Variants in ZNF677 observed in about 807,000 individuals in gnomAD.
The protein encoded by ZNF677 is zinc finger protein 677.
ZNF677 carries 5 observed loss-of-function variants against 8.1 expected under a neutral mutation model. That is an observed-to-expected ratio of 0.62 (90% CI 0.32 to 1.29). The LOEUF is 1.29. Ranked by LOEUF, ZNF677 falls within the 50% of genes most tolerant of loss-of-function variation. ZNF677 has a pLI of 0.05. For missense variants in ZNF677, 685 were observed against 685.9 expected (o/e 1.00, Z 0.01); for synonymous variants, 221 against 225.6 (o/e 0.98, Z 0.18).
chr19:53,240,633 A>G (rs566122856), intron 4 of ZNF677: 1 of 152,382 alleles, frequency 6.6e-6, no homozygotes, highest in South Asian at 2.1e-4. Flanking sequence ...GACATTCTGA[A>G]AAAGGCAAAT....
Position 53,237,200 on chromosome 19 carries a change from A to T in ZNF677, c.1527T>A (p.His509Gln), listed in dbSNP as rs181279893. 5.6e-6 allele frequency: 9 copies of T among 1,612,788 alleles called. No homozygotes were observed. The East Asian group carries it at 2.0e-4, about 36-fold the overall frequency. Residue 509 changes from histidine to glutamine, a missense_variant, in exon 5 of 5, where the codon CAT (histidine) becomes CAA (glutamine). His to Gln is a conservative substitution (Grantham distance 24, BLOSUM62 0). Coordinates refer to ENST00000598513, the MANE Select transcript of ZNF677 (RefSeq NM_182609.4). ...TACATTTGTAAGGTTTCTCTCCAGTATGGATTTTCTTATGCTGAGTAAGAT... is the reference window on the plus strand; with the variant it reads ...TACATTTGTAAGGTTTCTCTCCAGTTTGGATTTTCTTATGCTGAGTAAGAT... ...RSNLTQHKKIHTGEKPYKCTE... is the reference protein window; with the variant it reads ...RSNLTQHKKIQTGEKPYKCTE...
chr19:53,252,344 C>T (rs1018156767), intron 2 of ZNF677, among the ~76,000 whole-genome samples: 24 of 152,282 alleles, frequency 1.6e-4, no homozygotes, highest in African/African-American at 5.5e-4. Flanking sequence ...CCATCATCTC[C>T]ACGTTACAGG....
chr19:53,252,017 C>T (rs2091242580), intron 2 of ZNF677, among the ~76,000 whole-genome samples: 1 of 152,174 alleles, frequency 6.6e-6, no homozygotes, highest in African/African-American at 2.4e-5. Flanking sequence ...GTAGTTTAGA[C>T]TTTTGTCCCA....
rs187104948 is a variant in ZNF677 at position 53,246,663 on chromosome 19, T to C, written c.16-2766A>G. ...GAGAACAAATACATGACTCCACTTA[T>C]ATGAGGAACTGAAAACAGTAAAACT... is the stretch of plus-strand genomic sequence containing the variant. On this transcript the variant is annotated intron_variant, in intron 3 of 4. Coordinates refer to ENST00000598513, the MANE Select transcript of ZNF677 (RefSeq NM_182609.4). 7.7e-3 allele frequency among the ~76,000 whole-genome samples: 1,170 copies of C among 152,252 alleles called. 5 individuals carry two copies. The highest frequency in any genetic ancestry group is 0.015 in the African/African-American group (612 of 41,532).
Position 53,251,596 on chromosome 19 carries a change from G to A in ZNF677, c.-46C>T. 6.2e-7 allele frequency: 1 copy of A among 1,612,466 alleles called. No individual in the cohort carries two copies. ...CTCTTCCTCTGAGTTTCTTTCTCAG[G>A]TAAGTCAGTCTGTATGTCAAAAATA... On this transcript the variant is annotated 5_prime_UTR_variant, in exon 3 of 5. Transcript: ENST00000598513.
rs1405891845 is a variant in ZNF677, at chr19:53,237,213, T to C, written c.1514A>G (p.His505Arg). The change falls in exon 5 of 5, where the codon CAT (histidine) becomes CGT (arginine). Residue 505 changes from histidine to arginine, a missense_variant. Physicochemically the swap from His to Arg is conservative, Grantham distance 29. Transcript: ENST00000598513. ...AFTERSNLTQ[H>R]KKIHTGEKPY... Reference sequence around the variant, plus strand: ...TTTCTCTCCAGTATGGATTTTCTTATGCTGAGTAAGATTTGAACGTTCAGT... The same window carrying C: ...TTTCTCTCCAGTATGGATTTTCTTACGCTGAGTAAGATTTGAACGTTCAGT... 8.7e-6 allele frequency: 14 copies of C among 1,612,922 alleles called. No homozygotes were observed. Among genetic ancestry groups the C allele is most frequent in the Admixed American group, 1.7e-5 (1 of 59,980 alleles).
At chr19:53,241,890 AAG>A in intron 4 of ZNF677, 1 of 398,552 alleles carries the variant, frequency 2.5e-6, no homozygotes, top group Non-Finnish European at 4.4e-6. Context: ...TCACAGCAGA[AAG>A]AGAGGAAATT....
chr19:53,237,768 T>C lies in ZNF677; in HGVS notation c.959A>G (p.Gln320Arg), dbSNP rs1203900378. 2 of 1,613,562 alleles carry C rather than the reference T, an allele frequency of 1.2e-6. No homozygotes were observed. The highest frequency in any genetic ancestry group is 2.2e-5 in the South Asian group (2 of 91,022). ...QRVHTGEKPYQCNICGKVCSQ... is the reference protein window; with the variant it reads ...QRVHTGEKPYRCNICGKVCSQ... ...ACAGACCTTGCCACATATATTACATTGATATGGTTTCTCTCCTGTATGGAC... is the reference window on the plus strand; with the variant it reads ...ACAGACCTTGCCACATATATTACATCGATATGGTTTCTCTCCTGTATGGAC... Residue 320 changes from glutamine (Q) to arginine (R), a missense_variant, in exon 5 of 5, where the codon CAA (glutamine) becomes CGA (arginine). Transcript: ENST00000598513.
At chr19:53,242,693 C>A (rs890253835) in intron 4 of ZNF677, 4 of 329,060 alleles carry the variant, frequency 1.2e-5, no homozygotes, top group Admixed American at 4.9e-5. Context: ...CTGAAAAGTT[C>A]TTGCAGGTAT....
chr19:53,243,997 G>C, intron 3 of ZNF677, 100 bp from the exon 4 acceptor site: 1 of 1,078,364 alleles, frequency 9.3e-7, no homozygotes, highest in East Asian at 2.6e-5. Flanking sequence ...ATTTATGTGA[G>C]TTAATGCAAG....
chr19:53,252,486 G>T (rs1181243637), intron 2 of ZNF677, among the ~76,000 whole-genome samples: 1 of 152,172 alleles, frequency 6.6e-6, no homozygotes, highest in African/African-American at 2.4e-5. Flanking sequence ...GCAAAGGTTT[G>T]TCCTTATTTC....
Position 53,237,293 on chromosome 19 carries a change from C to G in ZNF677, c.1434G>C (p.Gln478His), listed in dbSNP as rs745873580. 9.3e-6 allele frequency: 15 copies of G among 1,613,042 alleles called. No individual in the cohort carries two copies. In the Admixed American group the frequency reaches 2.5e-4, roughly 27 times the overall value. The stretch of plus-strand genomic sequence containing the variant: ...AAGGTTTCTCTCCAGTATGAGTTCT[C>G]TGATGACCCCAAAGGTGTGAACGTT... ...FIKRSHLWGHQRTHTGEKPYK... is the reference protein window; with the variant it reads ...FIKRSHLWGHHRTHTGEKPYK... Residue 478 changes from glutamine to histidine, a missense_variant, in exon 5 of 5, where the codon CAG becomes CAC. By Grantham distance (24) the Gln-to-His change is conservative. Transcript: ENST00000598513.
chr19:53,251,663 C>CTGTGTGTGTGTGGTAG, intron 2 of ZNF677, 58 bp from the exon 3 acceptor site: 2 of 1,141,986 alleles, frequency 1.8e-6, no homozygotes, highest in Non-Finnish European at 2.5e-6. Flanking sequence ...CTGCCTCTAC[C>CTGTGTGTGTGTGGTAG]ACACACACAC....
chr19:53,237,646 G>A lies in ZNF677; in HGVS notation c.1081C>T (p.His361Tyr), dbSNP rs371619640. The change falls in exon 5 of 5, where the codon CAC becomes TAC. Residue 361 changes from histidine to tyrosine, a missense_variant. Physicochemically the swap from His to Tyr is moderately conservative, Grantham distance 83. Coordinates refer to ENST00000598513, the MANE Select transcript of ZNF677 (RefSeq NM_182609.4). ...TGAATTCTTTCATGACCCCAAAGGT[G>A]TGAACGCTGGATAAATGCCTTACCA... The part of the protein sequence containing the change: ...ECGKAFIQRS[H>Y]LWGHERIHTG... The A allele has an allele frequency of 3.7e-6, 6 of 1,612,994 alleles. No homozygotes were observed. In the African/African-American group the frequency reaches 4.0e-5, roughly 11 times the overall value.
In ZNF677 at chr19:53,238,470, T is replaced by C. The variant is rs1226169749; in HGVS notation, c.257A>G (p.Lys86Arg). ...AAAATTGTTGATGCCATGGCTTTCC[T>C]TTCTTTCTAATATCACCAGATGGTA... Reference protein sequence around the residue: ...ELYHLVILERKESHGINNFDL... With the variant: ...ELYHLVILERRESHGINNFDL... Residue 86 changes from lysine (K) to arginine (R), a missense_variant, in exon 5 of 5, where the codon AAG (lysine) becomes AGG (arginine). Physicochemically the swap from Lys to Arg is conservative, Grantham distance 26 (BLOSUM62 2). Coordinates refer to ENST00000598513, the MANE Select transcript of ZNF677 (RefSeq NM_182609.4). 1 of 1,613,176 alleles carries C rather than the reference T, an allele frequency of 6.2e-7. No individual in the cohort carries two copies. Among genetic ancestry groups the C allele is most frequent in the Admixed American group, 1.7e-5 (1 of 59,994 alleles).
intron 3 of ZNF677, among the ~76,000 whole-genome samples, chr19:53,248,477 T>TAA (rs1171498158): frequency 6.6e-6 from 1 of 152,218 alleles, no homozygotes; most frequent in African/African-American, 2.4e-5. Context: ...AGACTTTGCT[T>TAA]AACATTTCAT....
In ZNF677 at chr19:53,237,099, C is replaced by T. The variant is rs2090978756; in HGVS notation, c.1628G>A (p.Cys543Tyr). The change falls in exon 5 of 5, where the codon TGT (cysteine) becomes TAT (tyrosine). Residue 543 changes from cysteine (C) to tyrosine (Y), a missense_variant. Physicochemically the swap from Cys to Tyr is radical, Grantham distance 194 (BLOSUM62 -2). Transcript: ENST00000598513. ...AGCATTACCATGTATATTATGTTTA[C>T]AATGTTTCTTTTCAATGTGTATTTT... is the stretch of plus-strand genomic sequence containing the variant. ...HQKIHIEKKH[C>Y]KHNIHGNALF... 2 of 1,613,810 alleles carry T rather than the reference C, an allele frequency of 1.2e-6. No homozygotes were observed. The highest frequency in any genetic ancestry group is 1.3e-5 in the African/African-American group (1 of 75,022).
chr19:53,243,693 C>T, intron 4 of ZNF677, 51 bp downstream of exon 4: 2 of 1,611,958 alleles, frequency 1.2e-6, no homozygotes, highest in Non-Finnish European at 1.7e-6. Flanking sequence ...CACATCAGGG[C>T]CTCCCAAGAG....
At chr19:53,242,434 T>C (rs2091067554) in intron 4 of ZNF677, 1 of 398,576 alleles carries the variant, frequency 2.5e-6, no homozygotes, top group South Asian at 1.3e-4. Context: ...GGCTGCAAGG[T>C]GAGAACCTAA....
Sources: gnomAD v4.1 joint callset for allele counts (sites outside exome capture counted in the v4.1 genomes callset) on GRCh38, gnomAD v4.1.1 for gene constraint, MANE v1.5 for transcripts, NCBI Gene and HGNC (gene_info 2026-07-23, HGNC 2026-07-21) for gene names.